HCN2: variants seen among roughly 807,000 people sequenced by gnomAD.
HCN2 encodes potassium/sodium hyperpolarization-activated cyclic nucleotide-gated channel 2.
HCN2 carries 20 observed loss-of-function variants against 52.3 expected under a neutral mutation model. That is an observed-to-expected ratio of 0.38 (90% CI 0.27 to 0.56). The LOEUF (loss-of-function observed/expected upper bound fraction) is 0.56, where lower values mean the gene tolerates loss of function less well. Among genes scored for constraint, HCN2 ranks in the 20% least tolerant of loss-of-function variants. The pLI is 0.71. For synonymous variants in HCN2, 694 were observed against 537.0 expected (o/e 1.29, Z -4.04); for missense variants, 981 against 1,207.7 (o/e 0.81, Z 2.78).
chr19:595,878 G>A (rs754625302), intron 1 of HCN2, among the ~76,000 whole-genome samples: 33 of 152,234 alleles, frequency 2.2e-4, no homozygotes, highest in Non-Finnish European at 2.4e-4. Flanking sequence ...ATCCTCTCCC[G>A]GATTGTCCCC....
rs1983785081 is a variant in HCN2, at chr19:613,970, G to A, written c.1944G>A (p.Met648Ile). 11 of 1,526,950 alleles carry A rather than the reference G, an allele frequency of 7.2e-6. No individual in the cohort carries two copies. Among genetic ancestry groups the A allele is most frequent in the Non-Finnish European group, 9.7e-6 (11 of 1,136,838 alleles). The allele number at this position is 1,526,950 out of a possible 1,614,324, so 94.6% of individuals were successfully genotyped here. A position where few individuals can be genotyped will look rare whatever the true frequency, so the allele number is the denominator to read the frequency against. Reference protein sequence around the residue: ...FNEVLEEYPMMRRAFETVAID... With the variant: ...FNEVLEEYPMIRRAFETVAID... ...AGGTGCTGGAGGAGTACCCCATGAT[G>A]CGGCGCGCCTTCGAGACGGTGGCCA... The change falls in exon 7 of 8, where the codon ATG (methionine) becomes ATA (isoleucine). Residue 648 changes from methionine to isoleucine, a missense_variant. Physicochemically the swap from Met to Ile is conservative, Grantham distance 10. This residue lies in a region of HCN2 where 85 missense variants were observed against 106.1 expected (regional missense o/e 0.80). Coordinates refer to ENST00000251287, the MANE Select transcript of HCN2 (RefSeq NM_001194.4).
intron 3 of HCN2, among the ~76,000 whole-genome samples, chr19:605,667 GGAGGGGAGGACTCGGGC>G (rs1221677366): frequency 1.7e-5 from 1 of 57,892 alleles, no homozygotes; most frequent in African/African-American, 8.8e-5. Context: ...GCCCCCTTAT[GGAGGGGAGGACTCGGGC>G]CCTTACAGAG....
intron 1 of HCN2, among the ~76,000 whole-genome samples, chr19:596,096 G>T (rs1001222082): frequency 1.3e-5 from 2 of 152,226 alleles, no homozygotes; most frequent in African/African-American, 4.8e-5. Flanking sequence ...TTGGGAGCCG[G>T]GTCGGCGGCC....
intron 4 of HCN2, among the ~76,000 whole-genome samples, chr19:608,602 G>A (rs934627116): frequency 2.0e-5 from 3 of 152,102 alleles, no homozygotes; most frequent in African/African-American, 7.2e-5. Context: ...GGCTGGGGAG[G>A]GGATGCAGGC....
rs1479663828 is a variant in HCN2 at position 589,954 on chromosome 19, G to C, written c.9G>C (p.Ala3=). MD[A]RGGGGRPGES... ...CCCGGCGCCGCCTCGCCATGGACGC[G>C]CGCGGGGGCGGCGGGCGGCCCGGGG... Residue 3 remains alanine, a synonymous_variant, in exon 1 of 8, where the codon GCG becomes GCC. Transcript: ENST00000251287. 9.3e-4 allele frequency: 863 copies of C among 928,692 alleles called. 3 individuals are homozygous for C. Among genetic ancestry groups the C allele is most frequent in the Middle Eastern group, 5.0e-3 (9 of 1,802 alleles). The allele number at this position is 928,692 out of a possible 1,614,324, so 57.5% of individuals were successfully genotyped here. A position where few individuals can be genotyped will look rare whatever the true frequency, so the allele number is the denominator to read the frequency against.
intron 1 of HCN2, among the ~76,000 whole-genome samples, chr19:597,635 C>G (rs113173573): frequency 0.016 from 276 of 16,796 alleles, 43 homozygotes; most frequent in Middle Eastern, 0.071. Flanking sequence ...AGGTCCTCCT[C>G]GTGGTTTCTA....
intron 1 of HCN2, among the ~76,000 whole-genome samples, chr19:601,356 C>T (rs1340020156): frequency 6.6e-6 from 1 of 152,190 alleles, no homozygotes; most frequent in Non-Finnish European, 1.5e-5. Context: ...GTGACGTCCT[C>T]AAGGGGCATC....
intron 1 of HCN2, among the ~76,000 whole-genome samples, chr19:597,786 T>C (rs1225488893): frequency 1.3e-5 from 2 of 150,434 alleles, no homozygotes; most frequent in African/African-American, 2.5e-5. Context: ...TGGTGGTTTC[T>C]AGGCCCTCCT....
chr19:595,401 C>G (rs557879093), intron 1 of HCN2, among the ~76,000 whole-genome samples: 9 of 152,160 alleles, frequency 5.9e-5, no homozygotes, highest in Admixed American at 5.9e-4. Context: ...CTCCAGACAT[C>G]GGTCCTTCTT....
intron 3 of HCN2, among the ~76,000 whole-genome samples, chr19:606,897 C>T (rs1015468980): frequency 2.6e-4 from 38 of 147,624 alleles, no homozygotes; most frequent in Non-Finnish European, 4.3e-4. Flanking sequence ...AGAGGCCGGG[C>T]GCGGTGGCTC....
intron 1 of HCN2, among the ~76,000 whole-genome samples, chr19:601,747 T>C (rs148185438): frequency 2.6e-5 from 4 of 152,296 alleles, no homozygotes; most frequent in African/African-American, 9.6e-5. Context: ...GCGAAAGGGT[T>C]GGGCATCTGT....
intron 3 of HCN2, 47 bp from the exon 4 acceptor site, chr19:607,916 TG>T: frequency 1.4e-6 from 2 of 1,480,074 alleles, no homozygotes; most frequent in Non-Finnish European, 1.9e-6. Context: ...CGAGGGCTCC[TG>T]GGGCGTGAGC....
Position 590,035 on chromosome 19 carries a change from C to T in HCN2, c.90C>T (p.Pro30=). 6.7e-6 allele frequency: 4 copies of T among 595,634 alleles called. No homozygotes were observed. The highest frequency in any genetic ancestry group is 8.3e-6 in the Non-Finnish European group (4 of 483,528). The allele number at this position is 595,634 out of a possible 1,614,324, so 36.9% of individuals were successfully genotyped here. ...CGCCGCCGCCGCCGCCGCCCGCGCC[C>T]CCCCAACAGCAGCCGCCGCCGCCGC... ...PGPPPPPPPA[P]PQQQPPPPPP... The change falls in exon 1 of 8, where the codon CCC becomes CCT. Residue 30 remains proline, a synonymous_variant. Coordinates refer to ENST00000251287, the MANE Select transcript of HCN2 (RefSeq NM_001194.4). The surrounding 1 kb of genome is among the most constrained non-coding windows in gnomAD (Gnocchi z 7.2).
Position 616,323 on chromosome 19 carries a change from C to T in HCN2, c.2519C>T (p.Pro840Leu), listed in dbSNP as rs574907436. 2.6e-6 allele frequency: 3 copies of T among 1,170,734 alleles called. No individual in the cohort carries two copies. Among genetic ancestry groups the T allele is most frequent in the Non-Finnish European group, 3.2e-6 (3 of 939,328 alleles). 72.5% of individuals were successfully genotyped at this position (1,170,734 alleles called of 1,614,324 possible). Residue 840 changes from proline to leucine, a missense_variant, in exon 8 of 8, where the codon CCG (proline) becomes CTG (leucine). Physicochemically the swap from Pro to Leu is moderately conservative, Grantham distance 98 (BLOSUM62 -3). Coordinates refer to ENST00000251287, the MANE Select transcript of HCN2 (RefSeq NM_001194.4). Reference protein sequence around the residue: ...GAPGPAASTRPASSSTPRLGP... With the variant: ...GAPGPAASTRLASSSTPRLGP... ...CCCGGCCCCGCGGCCTCCACACGCC[C>T]GGCCAGCAGCTCCACACCGCGCTTG...
At chr19:614,501 A>G (rs1240047077) in intron 7 of HCN2, among the ~76,000 whole-genome samples, 2 of 152,138 alleles carry the variant, frequency 1.3e-5, no homozygotes, top group Non-Finnish European at 2.9e-5. Flanking sequence ...TTGGGAATGC[A>G]GAGTGGAGAC....
rs760264293 is a variant in HCN2, at chr19:615,836, C to G, written c.2032C>G (p.Leu678Val). 6 of 1,612,718 alleles carry G rather than the reference C, an allele frequency of 3.7e-6. No homozygotes were observed. Among genetic ancestry groups the G allele is most frequent in the African/African-American group, 1.3e-5 (1 of 74,928 alleles). The change falls in exon 8 of 8, where the codon CTC (leucine) becomes GTC (valine). Residue 678 changes from leucine to valine, a missense_variant. By Grantham distance (32) the Leu-to-Val change is conservative. Coordinates refer to ENST00000251287, the MANE Select transcript of HCN2 (RefSeq NM_001194.4). Reference sequence around the variant, plus strand: ...CCTCCTGCACAAGGTGCAGCATGACCTCAACTCGGGCGTATTCAACAACCA... The same window carrying G: ...CCTCCTGCACAAGGTGCAGCATGACGTCAACTCGGGCGTATTCAACAACCA... ...SILLHKVQHD[L>V]NSGVFNNQEN...
In HCN2 at chr19:591,622, GT is replaced by G. The variant is rs1982875252; in HGVS notation, c.632+1046del. 6.6e-6 allele frequency among the ~76,000 whole-genome samples: 1 copy of G among 151,922 alleles called. No individual in the cohort carries two copies. The highest frequency in any genetic ancestry group is 2.4e-5 in the African/African-American group (1 of 41,350). On this transcript the variant is annotated intron_variant, in intron 1 of 7. Coordinates refer to ENST00000251287, the MANE Select transcript of HCN2 (RefSeq NM_001194.4). This position sits in a 1 kb window ranked among gnomAD's most constrained non-coding sequence, Gnocchi z 4.1. ...TGGAGGGTGCAGGTGGAGGGTGTAG[GT>G]GGGGCCCGCCGGGCTAGCGAGGCCG...
Position 616,789 on chromosome 19 carries a change from G to A in HCN2, c.*315G>A. 1 of 222,168 alleles carries A rather than the reference G, an allele frequency of 4.5e-6. No individual in the cohort carries two copies. Among genetic ancestry groups the A allele is most frequent in the Admixed American group, 5.4e-5 (1 of 18,666 alleles). The allele number at this position is 222,168 out of a possible 1,614,324, so 13.8% of individuals were successfully genotyped here. On this transcript the variant is annotated 3_prime_UTR_variant, in exon 8 of 8. Coordinates refer to ENST00000251287, the MANE Select transcript of HCN2 (RefSeq NM_001194.4). ...ACAGGGACGGGGCGGCCCAGTGGCT[G>A]AGAGGAGCCGGCTGTGGAGCCCCGC...
Position 616,978 on chromosome 19 carries a change from C to A in HCN2, c.*504C>A. On this transcript the variant is annotated 3_prime_UTR_variant, in exon 8 of 8. Transcript: ENST00000251287. ...GACCTCGGGGAGCAGCACCCCGCCT[C>A]CCTCCAGCACTGGCACCGAGAGGCA... is the stretch of plus-strand genomic sequence containing the variant. The A allele has an allele frequency of 2.1e-6, 1 of 472,640 alleles. No individual in the cohort carries two copies. The highest frequency in any genetic ancestry group is 2.1e-5 in the South Asian group (1 of 47,488). 29.3% of individuals were successfully genotyped at this position (472,640 alleles called of 1,614,324 possible).
Sources: gnomAD v4.1 joint callset for allele counts (sites outside exome capture counted in the v4.1 genomes callset) on GRCh38, gnomAD v4.1.1 for gene constraint, gnomAD v4.1.1 regional missense constraint, Gnocchi (gnomAD v3.1) non-coding constraint, MANE v1.5 for transcripts, NCBI Gene and HGNC (gene_info 2026-07-23, HGNC 2026-07-21) for gene names.